The following FER variants were observed in gnomAD, a reference collection of about 807,000 sequenced individuals.
FER encodes FER tyrosine kinase.
Under a neutral mutation model 111.0 loss-of-function variants are expected in FER, and 63 were observed. The observed-to-expected ratio is 0.57, with a 90% CI of 0.46 to 0.70. The LOEUF (loss-of-function observed/expected upper bound fraction) is 0.70. Among genes scored for constraint, FER ranks in the 30% least tolerant of loss-of-function variants. The pLI is 0.00. For synonymous variants in FER, 327 were observed against 313.9 expected (o/e 1.04, Z -0.44); for missense variants, 914 against 954.0 (o/e 0.96, Z 0.55).
At chr5:108,913,732 T>C (rs1751876463) in intron 10 of FER, among the ~76,000 whole-genome samples, 2 of 152,194 alleles carry the variant, frequency 1.3e-5, no homozygotes, top group South Asian at 4.1e-4. Context: ...CAATTTATAA[T>C]GACCCCAGCT....
intron 9 of FER, chr5:108,894,359 C>T: frequency 6.1e-6 from 6 of 990,960 alleles, no homozygotes; most frequent in Non-Finnish European, 6.6e-6. Context: ...GTTTCTGCTG[C>T]AAGGGTTCCT....
At chr5:108,847,515 T>G (rs1762137925) in intron 5 of FER, among the ~76,000 whole-genome samples, 2 of 152,168 alleles carry the variant, frequency 1.3e-5, no homozygotes. Flanking sequence ...ATTGTCAACT[T>G]GGTCCAGTTG....
intron 13 of FER, among the ~76,000 whole-genome samples, chr5:108,992,124 T>C (rs1432440721): frequency 6.6e-6 from 1 of 152,088 alleles, no homozygotes; most frequent in Non-Finnish European, 1.5e-5. Context: ...AAAGCACATC[T>C]TGCACCGCCC....
intron 3 of FER, chr5:108,820,554 C>A (rs1199981940): frequency 1.0e-6 from 1 of 984,538 alleles, no homozygotes; most frequent in African/African-American, 1.7e-5. Context: ...TCTTTTCTGG[C>A]CTGTTCTGTG....
intron 16 of FER, among the ~76,000 whole-genome samples, chr5:109,077,650 T>A (rs1036476350): frequency 6.6e-6 from 1 of 152,218 alleles, no homozygotes; most frequent in Admixed American, 6.5e-5. Context: ...AGACCATCCA[T>A]CAGGGCAATA....
At chr5:108,986,085 C>T (rs1365180940) in intron 13 of FER, among the ~76,000 whole-genome samples, 1 of 152,156 alleles carries the variant, frequency 6.6e-6, no homozygotes, top group Non-Finnish European at 1.5e-5. Context: ...TTCACCACAT[C>T]TATGCCAACA....
At chr5:108,892,717 G>C (rs1366526203) in intron 9 of FER, among the ~76,000 whole-genome samples, 1 of 152,118 alleles carries the variant, frequency 6.6e-6, no homozygotes, top group Non-Finnish European at 1.5e-5. Flanking sequence ...ATTTCTTTTG[G>C]TGTTCTAGAC....
intron 10 of FER, among the ~76,000 whole-genome samples, chr5:108,919,214 G>GTT (rs1254157855): frequency 2.9e-5 from 4 of 136,696 alleles, no homozygotes; most frequent in African/African-American, 8.0e-5. Flanking sequence ...ATTTCTGCTT[G>GTT]TTTTTTTTTT....
At chr5:108,985,919 G>A (rs752253076) in intron 13 of FER, among the ~76,000 whole-genome samples, 11 of 151,992 alleles carry the variant, frequency 7.2e-5, no homozygotes, top group Non-Finnish European at 1.2e-4. Context: ...TACCTTTTTC[G>A]TACAATGACT....
At chr5:109,143,536 T>A (rs955977475) in intron 17 of FER, among the ~76,000 whole-genome samples, 1 of 152,014 alleles carries the variant, frequency 6.6e-6, no homozygotes, top group Non-Finnish European at 1.5e-5. Flanking sequence ...TTTTCAGACA[T>A]CACTTCCTCA....
chr5:109,062,326 C>G (rs1774521902), intron 16 of FER, among the ~76,000 whole-genome samples: 1 of 152,134 alleles, frequency 6.6e-6, no homozygotes, highest in African/African-American at 2.4e-5. Context: ...GAGTTCAAGA[C>G]CAGCCTGCCC....
At chr5:108,950,865 G>A (rs1021560590) in intron 11 of FER, among the ~76,000 whole-genome samples, 3 of 151,922 alleles carry the variant, frequency 2.0e-5, no homozygotes, top group Admixed American at 6.6e-5. Flanking sequence ...GGCACATTCG[G>A]TAGACTAGTG....
intron 3 of FER, among the ~76,000 whole-genome samples, chr5:108,826,810 T>G (rs1452604210): frequency 1.3e-5 from 2 of 152,242 alleles, no homozygotes; most frequent in African/African-American, 4.8e-5. Context: ...TGTTTCTTCA[T>G]GATTCAGTCT....
At chr5:109,028,551 T>A (rs1482664528) in intron 13 of FER, among the ~76,000 whole-genome samples, 1 of 152,164 alleles carries the variant, frequency 6.6e-6, no homozygotes, top group Non-Finnish European at 1.5e-5. Flanking sequence ...ATATATGGGT[T>A]CAAACATTGT....
chr5:108,811,634 T>C (rs1047691994), intron 3 of FER, among the ~76,000 whole-genome samples: 10 of 152,248 alleles, frequency 6.6e-5, no homozygotes, highest in Middle Eastern at 3.4e-3. Flanking sequence ...ATAGGAGATA[T>C]ATATATATGA....
intron 13 of FER, among the ~76,000 whole-genome samples, chr5:108,960,368 T>G (rs1758985470): frequency 6.6e-6 from 1 of 152,138 alleles, no homozygotes; most frequent in African/African-American, 2.4e-5. Flanking sequence ...TTTTAACAGT[T>G]GTTTGTTAAA....
chr5:108,781,235 G>T (rs1360819612), intron 2 of FER, among the ~76,000 whole-genome samples: 2 of 152,140 alleles, frequency 1.3e-5, no homozygotes, highest in Non-Finnish European at 2.9e-5. Flanking sequence ...CTGTCACCCA[G>T]GCTGGAGTGC....
chr5:109,167,640 T>C (rs1314005765), intron 17 of FER, among the ~76,000 whole-genome samples: 4 of 152,222 alleles, frequency 2.6e-5, no homozygotes, highest in Non-Finnish European at 2.9e-5. Context: ...GTAACTACAG[T>C]TCTTAAACCT....
At chr5:109,032,672 A>G (rs1769811122) in intron 13 of FER, among the ~76,000 whole-genome samples, 1 of 152,222 alleles carries the variant, frequency 6.6e-6, no homozygotes, top group Admixed American at 6.5e-5. Flanking sequence ...ATTAATAAAA[A>G]TAAGTATTAT....
Sources: allele counts gnomAD v4.1 joint callset (sites outside exome capture counted in the v4.1 genomes callset), GRCh38; gene constraint gnomAD v4.1.1; transcripts MANE v1.5; gene names NCBI Gene and HGNC (gene_info 2026-07-23, HGNC 2026-07-21).